MED13: variants seen among roughly 807,000 people sequenced by gnomAD.
The protein encoded by MED13 is mediator of RNA polymerase II transcription subunit 13.
In MED13, 23 loss-of-function variants were observed where a neutral mutation model predicts 225.2. The observed-to-expected ratio is 0.10, with a 90% confidence interval of 0.07 to 0.14. The LOEUF (loss-of-function observed/expected upper bound fraction) is 0.14. Ranked by LOEUF, MED13 falls within the 10% of genes least tolerant of loss-of-function variation. The pLI is 1.00. For missense variants in MED13, 2,197 were observed against 2,594.5 expected (o/e 0.85, Z 3.33); for synonymous variants, 942 against 889.2 (o/e 1.06, Z -1.06).
chr17:61,966,509 G>A lies in MED13; in HGVS notation c.4334C>T (p.Ala1445Val), dbSNP rs2080059495. The A allele has an allele frequency of 1.2e-6, 2 of 1,613,602 alleles. No homozygotes were observed. The highest frequency in any genetic ancestry group is 2.7e-5 in the African/African-American group (2 of 74,880). Reference protein sequence around the residue: ...FSQAADGNNEAFSKLKLYAQV... With the variant: ...FSQAADGNNEVFSKLKLYAQV... Reference sequence around the variant, plus strand: ...TGCATAAAGCTTGAGTTTAGAAAATGCTTCATTGTTACCGTCAGCTGCCTG... The same window carrying A: ...TGCATAAAGCTTGAGTTTAGAAAATACTTCATTGTTACCGTCAGCTGCCTG... The change falls in exon 19 of 30, where the codon GCA becomes GTA. Residue 1445 changes from alanine to valine, a missense_variant. This residue lies in a region of MED13 where 457 missense variants were observed against 442.2 expected (regional missense o/e 1.03). Coordinates refer to ENST00000397786, the MANE Select transcript of MED13 (RefSeq NM_005121.3).
rs1157543015 is a variant in MED13, at chr17:61,983,099, C to T, written c.2904G>A (p.Met968Ile). ...PFIKEGDGSN[M>I]DQEYGTAYTP... The stretch of plus-strand genomic sequence containing the variant: ...TATAAGCAGTGCCATATTCTTGATC[C>T]ATATTACTTCCATCACTATCATCAC... The change falls in exon 16 of 30, where the codon ATG becomes ATA. Residue 968 changes from methionine to isoleucine, a missense_variant. This residue lies in a region of MED13 where 160 missense variants were observed against 184.8 expected (regional missense o/e 0.87). Coordinates refer to ENST00000397786, the MANE Select transcript of MED13 (RefSeq NM_005121.3). 2 of 1,603,866 alleles carry T rather than the reference C, an allele frequency of 1.2e-6. No homozygotes were observed. The highest frequency in any genetic ancestry group is 2.7e-5 in the African/African-American group (2 of 74,610).
intron 25 of MED13, 46 bp downstream of exon 25, chr17:61,955,629 AAACTT>A (rs1199990707): frequency 6.4e-7 from 1 of 1,560,150 alleles, no homozygotes; most frequent in Non-Finnish European, 8.6e-7. Flanking sequence ...TAATACTTAA[AAACTT>A]AACTGCATAA....
At chr17:62,010,349 T>C in intron 9 of MED13, 1 of 397,604 alleles carries the variant, frequency 2.5e-6, no homozygotes, top group South Asian at 1.4e-4. Context: ...CATTATTTTC[T>C]CCACTTTTTG....
At chr17:62,055,485 G>A (rs1252285835) in intron 2 of MED13, among the ~76,000 whole-genome samples, 1 of 151,828 alleles carries the variant, frequency 6.6e-6, no homozygotes, top group East Asian at 1.9e-4. Context: ...GTTTTATTTT[G>A]TAAAATCTAT....
At chr17:62,017,283 G>C (rs2080592462) in intron 8 of MED13, among the ~76,000 whole-genome samples, 1 of 142,304 alleles carries the variant, frequency 7.0e-6, no homozygotes, top group Admixed American at 7.0e-5. Context: ...CAAGGTCTTT[G>C]TTCATTCCAT....
intron 8 of MED13, among the ~76,000 whole-genome samples, chr17:62,012,359 C>T (rs142739730): frequency 0.016 from 1,874 of 115,858 alleles, 44 homozygotes; most frequent in African/African-American, 0.054. Context: ...GAGGGAGTTT[C>T]GCTCTTGTTG....
In MED13 at chr17:61,963,007, A is replaced by G. The variant is rs764289277; in HGVS notation, c.4845-36T>C. The G allele has an allele frequency of 2.5e-6, 4 of 1,584,598 alleles. No individual in the cohort carries two copies. The East Asian group carries it at 9.0e-5, about 35-fold the overall frequency. ...AGGTAGAAATGAGACAAAAAGTTGT[A>G]CTGTATATGCTTGGGGTAGCATCTA... On this transcript the variant is annotated intron_variant, in intron 20 of 29. Transcript: ENST00000397786.
chr17:61,978,272 C>T (rs977388914), intron 16 of MED13, among the ~76,000 whole-genome samples: 2 of 151,736 alleles, frequency 1.3e-5, no homozygotes, highest in Non-Finnish European at 2.9e-5. Flanking sequence ...TTTTTTCAGA[C>T]CGAGTTTCAC....
chr17:61,953,655 G>A (rs1226332803), intron 26 of MED13, among the ~76,000 whole-genome samples: 2 of 152,194 alleles, frequency 1.3e-5, no homozygotes, highest in Admixed American at 6.5e-5. Flanking sequence ...TTTTGACTTT[G>A]GCCCAGTGAG....
At chr17:62,060,058 G>A (rs76869037) in intron 2 of MED13, among the ~76,000 whole-genome samples, 11,052 of 151,990 alleles carry the variant, frequency 0.073, 601 homozygotes, top group South Asian at 0.31. Context: ...TTGGGAGGCC[G>A]AGGCGGGTGG....
At position 61,962,918 on chromosome 17, in the gene MED13, A is replaced by T; in HGVS notation, c.4898T>A (p.Val1633Asp). The T allele has an allele frequency of 6.2e-7, 1 of 1,614,158 alleles. No homozygotes were observed. The highest frequency in any genetic ancestry group is 1.6e-4 in the Middle Eastern group (1 of 6,062). ...GIPTDGDSHA[V>D]TYPPAIVVYI... is the part of the protein sequence containing the mutation. ...AACAACAATTGCAGGTGGATACGTG[A>T]CTGCATGTGAATCACCATCTGTGGG... is the stretch of plus-strand genomic sequence containing the variant. Residue 1633 changes from valine to aspartate, a missense_variant, in exon 21 of 30, where the codon GTC (valine) becomes GAC (aspartate). Around this residue, in one of 12 missense-constraint regions of MED13, gnomAD observed 457 missense variants for 442.2 expected, o/e 1.03. Transcript: ENST00000397786.
At chr17:61,960,833 G>A in intron 23 of MED13, 34 bp downstream of exon 23, 3 of 1,399,760 alleles carry the variant, frequency 2.1e-6, no homozygotes, top group Non-Finnish European at 2.0e-6. Flanking sequence ...GTTACAAATG[G>A]AATGATATGA....
chr17:61,955,885 A>G, intron 24 of MED13, 47 bp from the exon 25 acceptor site: 5 of 1,459,000 alleles, frequency 3.4e-6, no homozygotes, highest in Non-Finnish European at 4.5e-6. Flanking sequence ...AAAAAAATCA[A>G]AGTAACAGCA....
chr17:62,014,334 T>A (rs1404630037), intron 8 of MED13, among the ~76,000 whole-genome samples: 2 of 131,998 alleles, frequency 1.5e-5, no homozygotes, highest in African/African-American at 8.2e-5. Flanking sequence ...ATATATATTT[T>A]GAGACACAGT....
chr17:62,028,391 T>A lies in MED13; in HGVS notation c.1283+1150A>T, dbSNP rs568079954. Among the ~76,000 whole-genome samples the A allele has an allele frequency of 1.8e-4, 27 of 152,164 alleles. No individual in the cohort carries two copies. The South Asian group carries it at 5.2e-3, about 29-fold the overall frequency. On this transcript the variant is annotated intron_variant, in intron 8 of 29. Coordinates refer to ENST00000397786, the MANE Select transcript of MED13 (RefSeq NM_005121.3). ...GGTCCAACAGACACTGGGGTCTACT[T>A]GAGGGTGGAGGCTGGCAGGAGCAAC...
chr17:62,057,163 G>A (rs1388078503), intron 2 of MED13, among the ~76,000 whole-genome samples: 2 of 152,070 alleles, frequency 1.3e-5, no homozygotes, highest in African/African-American at 4.8e-5. Context: ...TGTAACATAT[G>A]CTAATGAATA....
At chr17:62,010,376 A>G (rs535530318) in intron 9 of MED13, 174 bp downstream of exon 9, 4 of 427,142 alleles carry the variant, frequency 9.4e-6, no homozygotes, top group Non-Finnish European at 1.2e-5. Flanking sequence ...AAGTTATTTC[A>G]TAATGAAGAA....
intron 3 of MED13, among the ~76,000 whole-genome samples, chr17:62,052,102 G>C (rs751628839): frequency 6.6e-6 from 1 of 151,996 alleles, no homozygotes; most frequent in Non-Finnish European, 1.5e-5. Context: ...TTAATTAAAG[G>C]GAATTGAGAG....
chr17:61,952,379 G>C (rs1469084838), intron 27 of MED13, among the ~76,000 whole-genome samples: 1 of 152,140 alleles, frequency 6.6e-6, no homozygotes, highest in Non-Finnish European at 1.5e-5. Context: ...TCACAGCCCT[G>C]ATATGAATGG....
Sources: allele counts gnomAD v4.1 joint callset (sites outside exome capture counted in the v4.1 genomes callset), GRCh38; gene constraint gnomAD v4.1.1; regional missense constraint gnomAD v4.1.1; transcripts MANE v1.5; gene names NCBI Gene and HGNC (gene_info 2026-07-23, HGNC 2026-07-21).